EPHA3: variants seen among roughly 807,000 people sequenced by gnomAD.
EPHA3 encodes EPH receptor A3, also known as ephrin type-A receptor 3.
EPHA3 carries 42 observed loss-of-function variants against 107.1 expected under a neutral mutation model. That is an observed-to-expected ratio of 0.39 (90% CI 0.31 to 0.51). The LOEUF is 0.51. Ranked by LOEUF, EPHA3 falls within the 20% of genes least tolerant of loss-of-function variation. The pLI is 0.78. For missense variants in EPHA3, 1,183 were observed against 1,211.2 expected (o/e 0.98, Z 0.35); for synonymous variants, 461 against 424.8 (o/e 1.09, Z -1.05).
intron 1 of EPHA3, among the ~76,000 whole-genome samples, chr3:89,116,376 A>C (rs1484052286): frequency 6.6e-6 from 1 of 152,138 alleles, no homozygotes; most frequent in Non-Finnish European, 1.5e-5. Flanking sequence ...CAAAAAGTAG[A>C]CTTTAGTCTC....
intron 2 of EPHA3, among the ~76,000 whole-genome samples, chr3:89,206,484 A>G (rs1706108002): frequency 6.6e-6 from 1 of 152,188 alleles, no homozygotes; most frequent in Non-Finnish European, 1.5e-5. Flanking sequence ...TAATATTGTC[A>G]TGATCGAACT....
intron 3 of EPHA3, among the ~76,000 whole-genome samples, chr3:89,210,987 C>T (rs1704062875): frequency 6.6e-6 from 1 of 152,058 alleles, no homozygotes; most frequent in African/African-American, 2.4e-5. Context: ...CTTTTCTTCA[C>T]TGACATCTGG....
intron 2 of EPHA3, among the ~76,000 whole-genome samples, chr3:89,176,998 C>T (rs764128967): frequency 1.6e-4 from 24 of 152,004 alleles, no homozygotes; most frequent in Non-Finnish European, 2.5e-4. Flanking sequence ...CACACACACA[C>T]GGTTTTCTTA....
chr3:89,450,486 C>G, intron 15 of EPHA3, 116 bp downstream of exon 15: 1 of 900,710 alleles, frequency 1.1e-6, no homozygotes, highest in South Asian at 1.9e-5. Flanking sequence ...TGTATTCCAC[C>G]ATATTAGAGA....
chr3:89,476,306 A>G (rs911781510), intron 16 of EPHA3, among the ~76,000 whole-genome samples: 13 of 148,512 alleles, frequency 8.8e-5, no homozygotes, highest in African/African-American at 3.2e-4. Flanking sequence ...CTTGAGGAAT[A>G]CACTCAGGAG....
intron 3 of EPHA3, among the ~76,000 whole-genome samples, chr3:89,214,052 A>T (rs1315903286): frequency 6.6e-6 from 1 of 152,020 alleles, no homozygotes; most frequent in Non-Finnish European, 1.5e-5. Flanking sequence ...CCTCTGATTT[A>T]TACAAGATTC....
chr3:89,454,129 T>G (rs1576387088), intron 15 of EPHA3, among the ~76,000 whole-genome samples: 1 of 152,150 alleles, frequency 6.6e-6, no homozygotes, highest in Non-Finnish European at 1.5e-5. Context: ...AGTTTGGATG[T>G]TTTATAAAAA....
At chr3:89,383,639 C>CTTTTTTTT (rs71621546) in intron 5 of EPHA3, among the ~76,000 whole-genome samples, 11 of 87,962 alleles carry the variant, frequency 1.3e-4, no homozygotes, top group Non-Finnish European at 2.1e-4. Flanking sequence ...ACTTCTTCTT[C>CTTTTTTTT]TTTTTTTTTT....
At chr3:89,213,432 T>C (rs1235900519) in intron 3 of EPHA3, among the ~76,000 whole-genome samples, 1 of 152,022 alleles carries the variant, frequency 6.6e-6, no homozygotes, top group Admixed American at 6.6e-5. Context: ...TTATCTTTGA[T>C]TCCACTACGC....
chr3:89,299,346 G>A (rs551636088), intron 3 of EPHA3, among the ~76,000 whole-genome samples: 19 of 152,012 alleles, frequency 1.2e-4, no homozygotes, highest in African/African-American at 4.6e-4. Flanking sequence ...CCAGTAGTTG[G>A]TGACTAATTA....
intron 2 of EPHA3, among the ~76,000 whole-genome samples, chr3:89,160,354 A>T (rs929577639): frequency 1.3e-5 from 2 of 152,148 alleles, no homozygotes; most frequent in Admixed American, 6.6e-5. Flanking sequence ...TGTTTCTTAC[A>T]GAAAATGATG....
At position 89,481,195 on chromosome 3, in the gene EPHA3, T is replaced by A. The variant is rs1483299238; in HGVS notation, c.*1693T>A. ...AACGCTAATGAAACACAGCTTACAA[T>A]CGCAAATCAAAACTCACAAGTGCTC... is the stretch of plus-strand genomic sequence containing the variant. On this transcript the variant is annotated 3_prime_UTR_variant, in exon 17 of 17. Coordinates refer to ENST00000336596, the MANE Select transcript of EPHA3 (RefSeq NM_005233.6). 1 of 232,242 alleles carries A rather than the reference T, an allele frequency of 4.3e-6. No individual in the cohort carries two copies. The highest frequency in any genetic ancestry group is 8.5e-6 in the Non-Finnish European group (1 of 117,534). The allele number at this position is 232,242 out of a possible 1,614,324, so 14.4% of individuals were successfully genotyped here.
chr3:89,241,664 G>T (rs1291497975), intron 3 of EPHA3, among the ~76,000 whole-genome samples: 1 of 151,908 alleles, frequency 6.6e-6, no homozygotes, highest in African/African-American at 2.4e-5. Context: ...TTAAAAATGA[G>T]AAAATCTAGA....
At chr3:89,182,608 A>G (rs761928938) in intron 2 of EPHA3, among the ~76,000 whole-genome samples, 7 of 151,976 alleles carry the variant, frequency 4.6e-5, no homozygotes, top group Non-Finnish European at 8.8e-5. Flanking sequence ...TTTTGAGCAG[A>G]GAAAGTATAG....
At chr3:89,319,945 A>ATTTAT (rs1707004603) in intron 3 of EPHA3, among the ~76,000 whole-genome samples, 1 of 151,970 alleles carries the variant, frequency 6.6e-6, no homozygotes, top group Admixed American at 6.6e-5. Context: ...TGCTATATAC[A>ATTTAT]ATAACAGAAC....
intron 1 of EPHA3, among the ~76,000 whole-genome samples, chr3:89,115,246 CT>C (rs138492059): frequency 0.23 from 34,041 of 146,506 alleles, 3,933 homozygotes; most frequent in Middle Eastern, 0.33. Flanking sequence ...TGAAGAATAT[CT>C]TTTTTTTTTT....
chr3:89,367,275 A>T (rs1165980276), intron 5 of EPHA3, among the ~76,000 whole-genome samples: 3 of 150,620 alleles, frequency 2.0e-5, no homozygotes. Context: ...AATTTCAACT[A>T]TTTCCCTTCT....
At chr3:89,275,465 T>G (rs1705783235) in intron 3 of EPHA3, among the ~76,000 whole-genome samples, 1 of 152,074 alleles carries the variant, frequency 6.6e-6, no homozygotes, top group South Asian at 2.1e-4. Context: ...ATAAAGTTCT[T>G]AATTTGTGAG....
At chr3:89,231,849 A>G (rs1202774261) in intron 3 of EPHA3, among the ~76,000 whole-genome samples, 3 of 152,212 alleles carry the variant, frequency 2.0e-5, no homozygotes, top group Non-Finnish European at 2.9e-5. Context: ...GGAAAAGTGT[A>G]TATTTGTATG....
Sources: gnomAD v4.1 joint callset for allele counts (sites outside exome capture counted in the v4.1 genomes callset) on GRCh38, gnomAD v4.1.1 for gene constraint, MANE v1.5 for transcripts, NCBI Gene and HGNC (gene_info 2026-07-23, HGNC 2026-07-21) for gene names.